Variants in CAPRIN1 observed in about 807,000 individuals in gnomAD.
CAPRIN1 encodes the protein caprin-1.
Under a neutral mutation model 100.9 loss-of-function variants are expected in CAPRIN1, and 29 were observed. The ratio of observed to expected loss-of-function variants is 0.29; its 90% CI spans 0.21 to 0.39. The LOEUF is 0.39. CAPRIN1 is among the 10% of genes least tolerant of loss of function. The probability of loss-of-function intolerance (pLI) is 1.00; values close to 1 mark genes in which losing one functional copy is unlikely to be tolerated. For synonymous variants in CAPRIN1, 338 were observed against 307.5 expected (o/e 1.10, Z -1.04); for missense variants, 795 against 876.7 (o/e 0.91, Z 1.18).
intron 4 of CAPRIN1, among the ~76,000 whole-genome samples, chr11:34,072,746 ATCT>A (rs1850827158): frequency 6.6e-6 from 1 of 152,238 alleles, no homozygotes; most frequent in Non-Finnish European, 1.5e-5. Flanking sequence ...AATAAGTGTC[ATCT>A]TCTTTGGAGA....
chr11:34,056,252 A>T (rs1850448376), intron 2 of CAPRIN1, among the ~76,000 whole-genome samples: 1 of 152,210 alleles, frequency 6.6e-6, no homozygotes. Context: ...TGGATTTTAA[A>T]ATCAAATATC....
At chr11:34,088,037 C>G (rs765079851) in intron 11 of CAPRIN1, among the ~76,000 whole-genome samples, 1 of 152,162 alleles carries the variant, frequency 6.6e-6, no homozygotes, top group African/African-American at 2.4e-5. Context: ...CTCGCTCTAT[C>G]GCCAGGCTGG....
At position 34,076,543 on chromosome 11, in the gene CAPRIN1, C is replaced by T; in HGVS notation, c.606-17C>T. 1.9e-6 allele frequency: 3 copies of T among 1,608,542 alleles called. No homozygotes were observed. The highest frequency in any genetic ancestry group is 2.6e-6 in the Non-Finnish European group (3 of 1,175,058). ...TGACAACTGAAAGGTTATTAATTAG[C>T]TATTTACTATTAAAAGGTTGAATGA... On this transcript the variant is annotated splice_polypyrimidine_tract_variant and intron_variant, in intron 5 of 18. Transcript: ENST00000341394.
chr11:34,101,944 TTC>T lies in CAPRIN1; in HGVS notation c.*2579_*2580del, dbSNP rs2134143908. ...AAATCATCTCATGTGGATATGAAAC[TTC>T]TTTTTTAAAACTTAAAAAGGTAGAA... On this transcript the variant is annotated 3_prime_UTR_variant, in exon 19 of 19. Coordinates refer to ENST00000341394, the MANE Select transcript of CAPRIN1 (RefSeq NM_005898.5). Among the ~76,000 whole-genome samples, 1 of 152,318 alleles carries T rather than the reference TTC, an allele frequency of 6.6e-6. No homozygotes were observed. Among genetic ancestry groups the T allele is most frequent in the East Asian group, 1.9e-4 (1 of 5,190 alleles).
At position 34,052,470 on chromosome 11, in the gene CAPRIN1, C is replaced by A; in HGVS notation, c.50C>A (p.Pro17Gln). ...HSGSGSKSSG[P>Q]PPPSGSSGSE... The stretch of plus-strand genomic sequence containing the variant: ...GGGAGCGGCAGCAAGTCGTCCGGAC[C>A]GCCACCGCCGTCGGGTTCCTCCGGG... Residue 17 changes from proline (P) to glutamine (Q), a missense_variant, in exon 2 of 19, where the codon CCG (proline) becomes CAG (glutamine). Transcript: ENST00000341394. 1.2e-6 allele frequency: 2 copies of A among 1,607,836 alleles called. No individual in the cohort carries two copies. Among genetic ancestry groups the A allele is most frequent in the Non-Finnish European group, 1.7e-6 (2 of 1,178,786 alleles).
In CAPRIN1 at chr11:34,053,034, CG is replaced by C. The variant is rs563207213; in HGVS notation, c.216+404del. On this transcript the variant is annotated intron_variant, in intron 2 of 18. Coordinates refer to ENST00000341394, the MANE Select transcript of CAPRIN1 (RefSeq NM_005898.5). ...GGCCCAAAATGAAGAGGTCCCTGCG[CG>C]GGGGGCTCCGGGTTCAACCGACCGC... 8.5e-4 allele frequency: 880 copies of C among 1,037,008 alleles called. 7 individuals carry two copies. The African/African-American group carries it at 0.014, about 16-fold the overall frequency. The allele number at this position is 1,037,008 out of a possible 1,614,324, so 64.2% of individuals were successfully genotyped here.
At chr11:34,098,275 T>C (rs1851400575) in intron 18 of CAPRIN1, 11 of 984,494 alleles carry the variant, frequency 1.1e-5, no homozygotes, top group Non-Finnish European at 1.3e-5. Flanking sequence ...TTTGGACCTC[T>C]ATTAGTGATA....
intron 18 of CAPRIN1, chr11:34,098,231 A>C (rs1441438246): frequency 3.0e-6 from 3 of 989,366 alleles, no homozygotes; most frequent in Admixed American, 5.7e-5. Context: ...AGAACCATTT[A>C]GAAGTGATAG....
chr11:34,086,253 A>G lies in CAPRIN1; in HGVS notation c.1122+34A>G, dbSNP rs371464753. ...ATTTTAGTCAGACTCTGTAACAGAA[A>G]GTTTAAGTGTTTATATTATTTGACT... On this transcript the variant is annotated intron_variant, in intron 10 of 18. Transcript: ENST00000341394. 24 of 1,609,346 alleles carry G rather than the reference A, an allele frequency of 1.5e-5. No homozygotes were observed. The African/African-American group carries it at 2.5e-4, about 17-fold the overall frequency.
At chr11:34,070,561 A>C (rs1189140735) in intron 2 of CAPRIN1, among the ~76,000 whole-genome samples, 1 of 151,692 alleles carries the variant, frequency 6.6e-6, no homozygotes, top group African/African-American at 2.4e-5. Context: ...TACCCAGCTA[A>C]TTTTTGTGTT....
Position 34,085,915 on chromosome 11 carries a change from C to T in CAPRIN1, c.967-149C>T. On this transcript the variant is annotated intron_variant, in intron 9 of 18. Transcript: ENST00000341394. ...ACATTTTTCAGAATGTTAAATTTGG[C>T]ATAAATGTAATTCATTTGGGTAACT... 6.6e-6 allele frequency: 4 copies of T among 608,316 alleles called. No homozygotes were observed. The South Asian group carries it at 6.7e-5, about 10-fold the overall frequency. The allele number at this position is 608,316 out of a possible 1,614,324, so 37.7% of individuals were successfully genotyped here.
chr11:34,098,120 A>G (rs755887805), intron 18 of CAPRIN1: 3 of 1,002,538 alleles, frequency 3.0e-6, no homozygotes, highest in Non-Finnish European at 3.6e-6. Context: ...TTGAACATTT[A>G]TATAAATTTA....
intron 9 of CAPRIN1, among the ~76,000 whole-genome samples, chr11:34,083,608 G>A (rs1851075551): frequency 6.6e-6 from 1 of 152,186 alleles, no homozygotes; most frequent in African/African-American, 2.4e-5. Flanking sequence ...GGCTCTCAGT[G>A]ATGCCTTGTT....
At chr11:34,057,799 A>G (rs761867452) in intron 2 of CAPRIN1, among the ~76,000 whole-genome samples, 13 of 151,546 alleles carry the variant, frequency 8.6e-5, no homozygotes, top group Non-Finnish European at 2.9e-5. Flanking sequence ...GCTCACTACA[A>G]CCTCCCCCTC....
intron 1 of CAPRIN1, 172 bp from the exon 2 acceptor site, chr11:34,052,249 G>GCC (rs1387538029): frequency 2.8e-6 from 1 of 358,592 alleles, no homozygotes; most frequent in Non-Finnish European, 4.9e-6. Context: ...CGGGTCGCGC[G>GCC]CGCGCCCGCG....
chr11:34,052,379 T>C lies in CAPRIN1; in HGVS notation c.1-42T>C, dbSNP rs1436643023. On this transcript the variant is annotated intron_variant, in intron 1 of 18. Coordinates refer to ENST00000341394, the MANE Select transcript of CAPRIN1 (RefSeq NM_005898.5). ...TCCGTCTCCTGACTGGCCGCTCTTG[T>C]CCTTCCTCCCGCTTTTTCTTCTCTC... 3 of 1,532,566 alleles carry C rather than the reference T, an allele frequency of 2.0e-6. No individual in the cohort carries two copies. In the East Asian group the frequency reaches 6.8e-5, roughly 35 times the overall value. The allele number at this position is 1,532,566 out of a possible 1,614,324, so 94.9% of individuals were successfully genotyped here.
chr11:34,076,954 C>T (rs958248961), intron 6 of CAPRIN1, among the ~76,000 whole-genome samples: 54 of 152,104 alleles, frequency 3.6e-4, no homozygotes, highest in Non-Finnish European at 6.9e-4. Context: ...AGGCTGGTCT[C>T]GAACTCCTTA....
chr11:34,099,188 C>T (rs1403219560), intron 18 of CAPRIN1, 115 bp from the exon 19 acceptor site: 2 of 1,528,224 alleles, frequency 1.3e-6, no homozygotes, highest in African/African-American at 1.4e-5. Flanking sequence ...ACCTCTTAAG[C>T]CTAATAATGT....
intron 4 of CAPRIN1, among the ~76,000 whole-genome samples, chr11:34,075,276 G>C (rs962961309): frequency 1.3e-4 from 20 of 152,038 alleles, no homozygotes; most frequent in African/African-American, 4.6e-4. Flanking sequence ...TCCCTATTTT[G>C]GTTTTCTGTG....
Sources: gnomAD v4.1 joint callset for allele counts (sites outside exome capture counted in the v4.1 genomes callset) on GRCh38, gnomAD v4.1.1 for gene constraint, MANE v1.5 for transcripts, NCBI Gene and HGNC (gene_info 2026-07-23, HGNC 2026-07-21) for gene names.